PCDHGA4: variants seen among roughly 807,000 people sequenced by gnomAD.
PCDHGA4 encodes protocadherin gamma-A4.
In PCDHGA4, 38 loss-of-function variants were observed where a neutral mutation model predicts 54.6. That is an observed-to-expected ratio of 0.70 (90% confidence interval 0.54 to 0.91). The LOEUF (loss-of-function observed/expected upper bound fraction) is 0.91. PCDHGA4 is among the 40% of genes least tolerant of loss of function. PCDHGA4 has a pLI of 0.00. For missense variants in PCDHGA4, 1,298 were observed against 1,220.9 expected (o/e 1.06, Z -0.94); for synonymous variants, 511 against 512.9 (o/e 1.00, Z 0.05).
At chr5:141,371,875 G>T in intron 1 of PCDHGA4, 1 of 1,613,506 alleles carries the variant, frequency 6.2e-7, no homozygotes, top group Non-Finnish European at 8.5e-7. Context: ...ATCGTGGCCA[G>T]TGACCTGGAG....
chr5:141,404,405 TC>T, intron 1 of PCDHGA4: 1 of 1,613,914 alleles, frequency 6.2e-7, no homozygotes, highest in South Asian at 1.1e-5. Flanking sequence ...CAATGAGAAT[TC>T]TAGAGTTATT....
At position 141,511,032 on chromosome 5, in the gene PCDHGA4, G is replaced by T. The variant is rs779589499; in HGVS notation, c.2748G>T (p.Gln916His). 6.2e-7 allele frequency: 1 copy of T among 1,614,228 alleles called. No individual in the cohort carries two copies. Among genetic ancestry groups the T allele is most frequent in the South Asian group, 1.1e-5 (1 of 91,090 alleles). ...GCTACGGACCCCAGTTCACCCTGCAGCACGTGCCCGACTACCGCCAGAATG... is the reference window on the plus strand; with the variant it reads ...GCTACGGACCCCAGTTCACCCTGCATCACGTGCCCGACTACCGCCAGAATG... ...SARYGPQFTLQHVPDYRQNVY... is the reference protein window; with the variant it reads ...SARYGPQFTLHHVPDYRQNVY... Residue 916 changes from glutamine (Q) to histidine (H), a missense_variant, in exon 4 of 4, where the codon CAG (glutamine) becomes CAT (histidine). Gln to His is a conservative substitution (Grantham distance 24, BLOSUM62 0). Coordinates refer to ENST00000571252, the MANE Select transcript of PCDHGA4 (RefSeq NM_018917.4).
chr5:141,386,522 C>CG (rs1554089719), intron 1 of PCDHGA4, among the ~76,000 whole-genome samples: 3 of 152,174 alleles, frequency 2.0e-5, no homozygotes, highest in Admixed American at 2.0e-4. Context: ...CAAAAAAAGA[C>CG]TCTTTTTAGA....
chr5:141,408,326 G>A, intron 1 of PCDHGA4: 6 of 1,613,904 alleles, frequency 3.7e-6, no homozygotes, highest in Non-Finnish European at 4.2e-6. Context: ...GGAGGAGCTG[G>A]CCAAGGGCTC....
intron 1 of PCDHGA4, among the ~76,000 whole-genome samples, chr5:141,438,593 T>C (rs982159150): frequency 4.1e-5 from 3 of 73,984 alleles, no homozygotes; most frequent in Non-Finnish European, 5.5e-5. Flanking sequence ...CATACATACA[T>C]ATATATATAT....
At chr5:141,361,738 C>T (rs1860251) in intron 1 of PCDHGA4, 2 of 1,613,136 alleles carry the variant, frequency 1.2e-6, no homozygotes, top group Non-Finnish European at 1.7e-6. Context: ...ACTGCAGGCC[C>T]GCGACCAGGG....
At chr5:141,433,877 A>G (rs1481965040) in intron 1 of PCDHGA4, among the ~76,000 whole-genome samples, 5 of 151,470 alleles carry the variant, frequency 3.3e-5, no homozygotes, top group Admixed American at 6.6e-5. Context: ...AGTTTCATCC[A>G]TTGATGACAC....
intron 1 of PCDHGA4, chr5:141,399,585 T>C (rs1452769752): frequency 6.2e-7 from 1 of 1,613,984 alleles, no homozygotes; most frequent in South Asian, 1.1e-5. Context: ...TCTCCTACTC[T>C]ATCATGGCCA....
intron 1 of PCDHGA4, chr5:141,415,947 C>G: frequency 1.9e-6 from 1 of 532,382 alleles, no homozygotes; most frequent in Non-Finnish European, 2.8e-6. Flanking sequence ...CCTGGGTGGT[C>G]ACATATTGAA....
At position 141,491,290 on chromosome 5, in the gene PCDHGA4, C is replaced by T. The variant is rs747758229; in HGVS notation, c.2515-3517C>T. Reference sequence around the variant, plus strand: ...CAAATCCAGTGACTTCCTCATACACCCTCCTGAGCGTTCAGACCTTACCCT... The same window carrying T: ...CAAATCCAGTGACTTCCTCATACACTCTCCTGAGCGTTCAGACCTTACCCT... On this transcript the variant is annotated intron_variant, in intron 1 of 3. Coordinates refer to ENST00000571252, the MANE Select transcript of PCDHGA4 (RefSeq NM_018917.4). The surrounding 1 kb of genome is among the most constrained non-coding windows in gnomAD (Gnocchi z 6.9). 6.2e-7 allele frequency: 1 copy of T among 1,613,974 alleles called. No homozygotes were observed. Among genetic ancestry groups the T allele is most frequent in the Non-Finnish European group, 8.5e-7 (1 of 1,179,952 alleles).
intron 1 of PCDHGA4, chr5:141,403,572 C>T (rs749341214): frequency 1.9e-6 from 3 of 1,613,946 alleles, no homozygotes; most frequent in Non-Finnish European, 8.5e-7. Flanking sequence ...GAGGCAACTG[C>T]CCACCACCTG....
At chr5:141,390,385 C>A in intron 1 of PCDHGA4, 1 of 1,430,582 alleles carries the variant, frequency 7.0e-7, no homozygotes, top group Non-Finnish European at 9.5e-7. Context: ...TTTTAGATGT[C>A]ATGGATCATT....
intron 1 of PCDHGA4, chr5:141,423,314 T>C: frequency 6.2e-7 from 1 of 1,614,178 alleles, no homozygotes; most frequent in Non-Finnish European, 8.5e-7. Context: ...TACTTGGTGG[T>C]GGCGGTGGCC....
chr5:141,421,092 C>T, intron 1 of PCDHGA4: 1 of 663,988 alleles, frequency 1.5e-6, no homozygotes, highest in Non-Finnish European at 2.5e-6. Flanking sequence ...CAGATCCTGA[C>T]ACTGGAGACT....
intron 1 of PCDHGA4, chr5:141,390,308 T>A (rs768472507): frequency 1.2e-6 from 2 of 1,613,092 alleles, no homozygotes; most frequent in African/African-American, 2.7e-5. Context: ...TATAATTTAA[T>A]GCTCATTGCC....
chr5:141,480,407 C>T (rs906445993), intron 1 of PCDHGA4, among the ~76,000 whole-genome samples: 1 of 139,782 alleles, frequency 7.2e-6, no homozygotes, highest in Admixed American at 7.0e-5. Context: ...AGAGTGAGAC[C>T]CTGTCTCAAA....
intron 1 of PCDHGA4, chr5:141,383,335 A>G (rs768493481): frequency 3.1e-6 from 5 of 1,613,892 alleles, no homozygotes; most frequent in Non-Finnish European, 4.2e-6. Flanking sequence ...AATGGAGAAT[A>G]CAGCTCCTGG....
At chr5:141,502,019 G>A (rs1454981730) in intron 2 of PCDHGA4, among the ~76,000 whole-genome samples, 1 of 152,008 alleles carries the variant, frequency 6.6e-6, no homozygotes, top group African/African-American at 2.4e-5. Flanking sequence ...TCTCCTCCCT[G>A]CAACCCCCGC....
intron 1 of PCDHGA4, chr5:141,366,311 A>T (rs1561537361): frequency 1.9e-6 from 3 of 1,613,766 alleles, no homozygotes; most frequent in Non-Finnish European, 2.5e-6. Context: ...CTTCACGGTC[A>T]CCGTTGCCGT....
Sources: allele counts gnomAD v4.1 joint callset (sites outside exome capture counted in the v4.1 genomes callset), GRCh38; gene constraint gnomAD v4.1.1; non-coding constraint Gnocchi (gnomAD v3.1); transcripts MANE v1.5; gene names NCBI Gene and HGNC (gene_info 2026-07-23, HGNC 2026-07-21).